TFEC: variants seen among roughly 807,000 people sequenced by gnomAD.
TFEC encodes the protein transcription factor EC, also known as class E basic helix-loop-helix protein 34.
In TFEC, 31 loss-of-function variants were observed where a neutral mutation model predicts 41.6. The ratio of observed to expected loss-of-function variants is 0.74; its 90% CI spans 0.56 to 1.01. The LOEUF is 1.01. Among genes scored for constraint, TFEC ranks in the 50% least tolerant of loss-of-function variants. The probability of loss-of-function intolerance (pLI) is 0.00; values close to 1 mark genes in which losing one functional copy is unlikely to be tolerated. For missense variants in TFEC, 402 were observed against 404.1 expected (o/e 0.99, Z 0.04); for synonymous variants, 143 against 140.6 (o/e 1.02, Z -0.12).
In TFEC at chr7:115,949,245, A is replaced by G. The variant is rs201828906; in HGVS notation, c.515+1629T>C. Among the ~76,000 whole-genome samples the G allele has an allele frequency of 2.4e-3, 362 of 152,238 alleles. 10 individuals are homozygous for G. In the East Asian group the frequency reaches 0.065, roughly 27 times the overall value. ...ACATTCCATGCTCATGGGTAGGAAG[A>G]ATCAATATCGTGAAAATGGCCATAC... is the stretch of plus-strand genomic sequence containing the variant. On this transcript the variant is annotated intron_variant, in intron 6 of 7. Coordinates refer to ENST00000265440, the MANE Select transcript of TFEC (RefSeq NM_012252.4).
chr7:116,143,658 G>A (rs1446778711), intron 1 of TFEC, among the ~76,000 whole-genome samples: 1 of 152,156 alleles, frequency 6.6e-6, no homozygotes, highest in Non-Finnish European at 1.5e-5. Context: ...TGCTTCTATA[G>A]GGAACTGCGG....
chr7:116,064,635 G>A (rs1465935130), intron 3 of TFEC, among the ~76,000 whole-genome samples: 2 of 151,996 alleles, frequency 1.3e-5, no homozygotes, highest in African/African-American at 4.8e-5. Context: ...GATAGGTGCA[G>A]TAAACCACCG....
intron 1 of TFEC, among the ~76,000 whole-genome samples, chr7:115,995,998 A>T (rs1392272491): frequency 6.6e-6 from 1 of 152,198 alleles, no homozygotes; most frequent in Non-Finnish European, 1.5e-5. Flanking sequence ...CTTGAAAGGC[A>T]GTTTAGGCCA....
intron 3 of TFEC, among the ~76,000 whole-genome samples, chr7:116,056,292 G>A (rs1796428889): frequency 6.6e-6 from 1 of 152,108 alleles, no homozygotes; most frequent in African/African-American, 2.4e-5. Context: ...GAGGCTGGCA[G>A]ACTCCTCGAG....
chr7:116,158,281 C>T (rs1033534638), intron 1 of TFEC, among the ~76,000 whole-genome samples: 3 of 151,942 alleles, frequency 2.0e-5, no homozygotes, highest in Non-Finnish European at 2.9e-5. Context: ...TTTTTAATGA[C>T]TATTTCTCTT....
intron 3 of TFEC, among the ~76,000 whole-genome samples, chr7:116,066,183 C>T (rs986265520): frequency 7.9e-5 from 12 of 152,206 alleles, no homozygotes; most frequent in African/African-American, 2.9e-4. Flanking sequence ...TTACCTGCTG[C>T]CATTAGACGT....
At chr7:116,044,261 T>C (rs1036212661) in intron 3 of TFEC, among the ~76,000 whole-genome samples, 1 of 152,206 alleles carries the variant, frequency 6.6e-6, no homozygotes, top group Non-Finnish European at 1.5e-5. Flanking sequence ...CCAGAGCAAG[T>C]CTTATAGCTA....
chr7:116,017,755 A>G (rs1795248255), intron 1 of TFEC, among the ~76,000 whole-genome samples: 1 of 152,160 alleles, frequency 6.6e-6, no homozygotes, highest in African/African-American at 2.4e-5. Flanking sequence ...CTTGGGTTCT[A>G]CAAAAGCATG....
At chr7:115,955,310 G>T (rs1584578020) in intron 4 of TFEC, among the ~76,000 whole-genome samples, 1 of 152,074 alleles carries the variant, frequency 6.6e-6, no homozygotes, top group African/African-American at 2.4e-5. Context: ...CCACTAGCTT[G>T]TTGTGGAAAT....
chr7:115,974,451 A>ATATAT (rs869072558), intron 2 of TFEC, among the ~76,000 whole-genome samples, 195 bp from the exon 3 acceptor site: 1,328 of 25,726 alleles, frequency 0.052, 35 homozygotes, highest in Non-Finnish European at 0.056. Context: ...TATATATATA[A>ATATAT]AAACACAGAT....
intron 1 of TFEC, among the ~76,000 whole-genome samples, chr7:116,009,754 T>C (rs1010751158): frequency 6.6e-6 from 1 of 152,206 alleles, no homozygotes; most frequent in African/African-American, 2.4e-5. Flanking sequence ...TGCATGCCTA[T>C]ATACGATAGG....
intron 3 of TFEC, among the ~76,000 whole-genome samples, chr7:116,107,789 T>C (rs535039740): frequency 2.8e-4 from 43 of 152,260 alleles, no homozygotes; most frequent in Middle Eastern, 6.8e-3. Flanking sequence ...CAGAGAACAG[T>C]AATGTTGGTG....
At chr7:116,002,720 C>T (rs1794644733) in intron 1 of TFEC, among the ~76,000 whole-genome samples, 1 of 151,880 alleles carries the variant, frequency 6.6e-6, no homozygotes, top group African/African-American at 2.4e-5. Flanking sequence ...GTGATAGATA[C>T]CCAATTTACC....
intron 3 of TFEC, among the ~76,000 whole-genome samples, chr7:116,093,767 G>A (rs1275586410): frequency 6.6e-6 from 1 of 152,068 alleles, no homozygotes; most frequent in Non-Finnish European, 1.5e-5. Context: ...TGTATGTTAG[G>A]AAAATATATT....
At chr7:116,112,030 G>T (rs972507610) in exon 2 of TFEC, 1 of 985,200 alleles carries the variant, frequency 1.0e-6, no homozygotes, top group African/African-American at 1.8e-5. Flanking sequence ...CTAAATCATT[G>T]ATAGGACTCT....
At chr7:116,127,164 C>T (rs996819602) in intron 1 of TFEC, among the ~76,000 whole-genome samples, 4 of 151,546 alleles carry the variant, frequency 2.6e-5, no homozygotes, top group South Asian at 2.1e-4. Flanking sequence ...GGCGCGATCT[C>T]GGTTCACTGC....
rs1793177526 is a variant in TFEC, at chr7:115,935,348, T to G, written c.*5203A>C. On this transcript the variant is annotated 3_prime_UTR_variant, in exon 8 of 8. Transcript: ENST00000265440. ...TTCTACAGTCTTATTAACAATGTTT[T>G]CTTGATCTAACCAATGTCAGATTAA... 6.6e-6 allele frequency: 1 copy of G among 152,122 alleles called. No individual in the cohort carries two copies. The highest frequency in any genetic ancestry group is 1.5e-5 in the Non-Finnish European group (1 of 67,658). The allele number at this position is 152,122 out of a possible 1,614,324, so 9.4% of individuals were successfully genotyped here.
At chr7:116,158,149 T>G (rs1280972260) in intron 1 of TFEC, among the ~76,000 whole-genome samples, 3 of 152,176 alleles carry the variant, frequency 2.0e-5, no homozygotes, top group Admixed American at 6.6e-5. Context: ...AACTTTTGTT[T>G]TTGAAAACTT....
At chr7:116,060,489 TA>T (rs1419022854) in intron 3 of TFEC, among the ~76,000 whole-genome samples, 1 of 152,028 alleles carries the variant, frequency 6.6e-6, no homozygotes, top group East Asian at 1.9e-4. Flanking sequence ...CAGGTGGGAT[TA>T]AAAAATGTGG....
Sources: allele counts gnomAD v4.1 joint callset (sites outside exome capture counted in the v4.1 genomes callset), GRCh38; gene constraint gnomAD v4.1.1; transcripts MANE v1.5; gene names NCBI Gene and HGNC (gene_info 2026-07-23, HGNC 2026-07-21).